The following KIAA1614 variants were observed in gnomAD, a reference collection of about 807,000 sequenced individuals.
KIAA1614 encodes the protein uncharacterized protein KIAA1614.
KIAA1614 carries 76 observed loss-of-function variants against 88.7 expected under a neutral mutation model. The observed-to-expected ratio is 0.86, with a 90% confidence interval of 0.71 to 1.04. The LOEUF is 1.04. Among genes scored for constraint, KIAA1614 ranks in the 50% least tolerant of loss-of-function variants. KIAA1614 has a pLI of 0.00. For missense variants in KIAA1614, 1,553 were observed against 1,582.5 expected, an observed-to-expected ratio of 0.98 and a Z score of 0.32; for synonymous variants, 714 against 675.5, an observed-to-expected ratio of 1.06 and a Z score of -0.88.
Position 180,935,026 on chromosome 1 carries a change from T to G in KIAA1614, c.1206-89T>G, listed in dbSNP as rs976309806. ...TGCCACAGAGCACGGTGGGAGACTG[T>G]AGCCCAGGGTGGAGAGGGTAGGGCC... On this transcript the variant is annotated intron_variant, in intron 4 of 8. Coordinates refer to ENST00000367588, the MANE Select transcript of KIAA1614 (RefSeq NM_020950.2). This position sits in a 1 kb window ranked among gnomAD's most constrained non-coding sequence, Gnocchi z 6.1. The G allele has an allele frequency of 2.1e-6, 2 of 957,374 alleles. No individual in the cohort carries two copies. The allele number at this position is 957,374 out of a possible 1,614,324, so 59.3% of individuals were successfully genotyped here. A position where few individuals can be genotyped will look rare whatever the true frequency, so the allele number is the denominator to read the frequency against.
At position 180,917,534 on chromosome 1, in the gene KIAA1614, C is replaced by T. The variant is rs745398889; in HGVS notation, c.998-317C>T. Among the ~76,000 whole-genome samples, 7 of 152,122 alleles carry T rather than the reference C, an allele frequency of 4.6e-5. No homozygotes were observed. The East Asian group carries it at 9.6e-4, about 21-fold the overall frequency. ...TTCTAGCAGCTGGGCTGAGCTCAGA[C>T]GGTAGCACCAATGGGATGTACAAGT... On this transcript the variant is annotated intron_variant, in intron 2 of 8. Transcript: ENST00000367588.
At chr1:180,922,787 T>A (rs1475297432) in intron 3 of KIAA1614, among the ~76,000 whole-genome samples, 1 of 152,210 alleles carries the variant, frequency 6.6e-6, no homozygotes, top group Non-Finnish European at 1.5e-5. Context: ...CCCAGCTGGC[T>A]GCCCTGTGAT....
At chr1:180,942,316 G>A (rs1230707934) in intron 7 of KIAA1614, among the ~76,000 whole-genome samples, 1 of 152,196 alleles carries the variant, frequency 6.6e-6, no homozygotes, top group East Asian at 1.9e-4. Context: ...AGCGCCCCAC[G>A]CTCTGCAACC....
chr1:180,941,181 C>A lies in KIAA1614; in HGVS notation c.3055C>A (p.Pro1019Thr). 1 of 1,613,862 alleles carries A rather than the reference C, an allele frequency of 6.2e-7. No homozygotes were observed. Among genetic ancestry groups the A allele is most frequent in the Non-Finnish European group, 8.5e-7 (1 of 1,179,972 alleles). ...CTCAGCCCTGGGCCAGAGTTCCCGG[C>A]CCAAGCTGGGCAAGTCCCGCAGCTA... ...LFSALGQSSRPKLGKSRSYSV... is the reference protein window; with the variant it reads ...LFSALGQSSRTKLGKSRSYSV... Residue 1019 changes from proline (P) to threonine (T), a missense_variant, in exon 7 of 9, where the codon CCC (proline) becomes ACC (threonine). Pro to Thr is a conservative substitution (Grantham distance 38, BLOSUM62 -1). Coordinates refer to ENST00000367588, the MANE Select transcript of KIAA1614 (RefSeq NM_020950.2).
At position 180,935,888 on chromosome 1, in the gene KIAA1614, C is replaced by A. The variant is rs1293718898; in HGVS notation, c.1979C>A (p.Ser660Tyr). 6.2e-7 allele frequency: 1 copy of A among 1,613,900 alleles called. No homozygotes were observed. The highest frequency in any genetic ancestry group is 1.7e-5 in the Admixed American group (1 of 60,030). Residue 660 changes from serine (S) to tyrosine (Y), a missense_variant, in exon 5 of 9, where the codon TCC becomes TAC. Ser to Tyr is a moderately radical substitution (Grantham distance 144). Coordinates refer to ENST00000367588, the MANE Select transcript of KIAA1614 (RefSeq NM_020950.2). The surrounding 1 kb of genome is among the most constrained non-coding windows in gnomAD (Gnocchi z 6.1). The stretch of plus-strand genomic sequence containing the variant: ...TCCAGGCCTCGAGGCCACAGGTGGT[C>A]CAAGAAGGCTGAGGCGGAGCTCCCT... The part of the protein sequence containing the change: ...RGSRPRGHRW[S>Y]KKAEAELPWG...
intron 3 of KIAA1614, among the ~76,000 whole-genome samples, chr1:180,926,233 C>T (rs1209872612): frequency 1.3e-5 from 2 of 152,106 alleles, no homozygotes; most frequent in African/African-American, 4.8e-5. Flanking sequence ...CAGCACCCAC[C>T]CCATTTTGCC....
In KIAA1614 at chr1:180,941,961, C is replaced by T. The variant is rs560691444; in HGVS notation, c.3159+676C>T. 2.6e-5 allele frequency among the ~76,000 whole-genome samples: 4 copies of T among 152,314 alleles called. No homozygotes were observed. The South Asian group carries it at 8.3e-4, about 32-fold the overall frequency. The stretch of plus-strand genomic sequence containing the variant: ...TCAGGGCTCTTTCTCCCACCTTCCC[C>T]ACCTGCAAATGCCCACTCATCCATC... On this transcript the variant is annotated intron_variant, in intron 7 of 8. Transcript: ENST00000367588.
chr1:180,943,550 C>CTTTTTTTTTTTTTTTT lies in KIAA1614; in HGVS notation c.3160-838_3160-823dup, dbSNP rs60128001. The stretch of plus-strand genomic sequence containing the variant: ...ATTGTAGGATTGAATGGTAGTAGAT[C>CTTTTTTTTTTTTTTTT]TTTTTTTTTTTTTTTTGAGACAGGG... On this transcript the variant is annotated intron_variant, in intron 7 of 8. Coordinates refer to ENST00000367588, the MANE Select transcript of KIAA1614 (RefSeq NM_020950.2). Among the ~76,000 whole-genome samples the CTTTTTTTTTTTTTTTT allele has an allele frequency of 3.6e-4, 35 of 98,214 alleles. 2 individuals are homozygous for CTTTTTTTTTTTTTTTT. The highest frequency in any genetic ancestry group is 5.5e-4 in the African/African-American group (13 of 23,844). The allele number at this position is 98,214 out of a possible 152,430, so 64.4% of individuals were successfully genotyped here. A position where few individuals can be genotyped will look rare whatever the true frequency, so the allele number is the denominator to read the frequency against.
In KIAA1614 at chr1:180,935,530, A is replaced by AG. The variant is rs775000044; in HGVS notation, c.1622dup (p.Ser541ArgfsTer79). ...CGAGAGGAGGTGCCAGGCCTGCGGC[A>AG]GCTGCATCGACGACCCGCGCCCCGC... On this transcript the variant is annotated frameshift_variant, in exon 5 of 9. Transcript: ENST00000367588. LOFTEE classifies it high-confidence loss of function. The surrounding 1 kb of genome is among the most constrained non-coding windows in gnomAD (Gnocchi z 6.1). The AG allele has an allele frequency of 1.3e-6, 2 of 1,565,310 alleles. No homozygotes were observed. Among genetic ancestry groups the AG allele is most frequent in the Non-Finnish European group, 1.7e-6 (2 of 1,158,444 alleles).
At position 180,918,850 on chromosome 1, in the gene KIAA1614, G is replaced by A. The variant is rs148755621; in HGVS notation, c.1061+936G>A. 2.0e-4 allele frequency among the ~76,000 whole-genome samples: 31 copies of A among 152,318 alleles called. No homozygotes were observed. In the East Asian group the frequency reaches 5.4e-3, roughly 27 times the overall value. ...ATAACAAAAAGCCTATAGAGGCTGG[G>A]TGGCTTACTAACAGAAATTTATTGC... is the stretch of plus-strand genomic sequence containing the variant. On this transcript the variant is annotated intron_variant, in intron 3 of 8. Transcript: ENST00000367588.
At chr1:180,939,123 G>T (rs1654397473) in intron 6 of KIAA1614, among the ~76,000 whole-genome samples, 1 of 152,310 alleles carries the variant, frequency 6.6e-6, no homozygotes, top group Middle Eastern at 3.4e-3. Context: ...GGGGAGAAGG[G>T]GGGAGTGGGG....
rs757341832 is a variant in KIAA1614, at chr1:180,935,796, G to T, written c.1887G>T (p.Gly629=). ...GCAGGACCGACAGTGAGGAGGCGGG[G>T]ACCTCTCAGGCTGGCTGGGCGTGTG... ...DNCRTDSEEA[G]TSQAGWACGR... Residue 629 remains glycine, a synonymous_variant, in exon 5 of 9, where the codon GGG becomes GGT. Coordinates refer to ENST00000367588, the MANE Select transcript of KIAA1614 (RefSeq NM_020950.2). This position sits in a 1 kb window ranked among gnomAD's most constrained non-coding sequence, Gnocchi z 6.1. 3.1e-6 allele frequency: 5 copies of T among 1,613,868 alleles called. No individual in the cohort carries two copies. The South Asian group carries it at 4.4e-5, about 14-fold the overall frequency.
rs1209895505 is a variant in KIAA1614, at chr1:180,913,004, G to T, written c.-240G>T. On this transcript the variant is annotated 5_prime_UTR_variant, in exon 1 of 9. Coordinates refer to ENST00000367588, the MANE Select transcript of KIAA1614 (RefSeq NM_020950.2). Reference sequence around the variant, plus strand: ...CTTCCCGTCCTCTCGCCGGGAGGGAGTGCGGCCCGTGGGGCGCTGCGCCGG... The same window carrying T: ...CTTCCCGTCCTCTCGCCGGGAGGGATTGCGGCCCGTGGGGCGCTGCGCCGG... 2 of 272,116 alleles carry T rather than the reference G, an allele frequency of 7.3e-6. No individual in the cohort carries two copies. Among genetic ancestry groups the T allele is most frequent in the South Asian group, 1.7e-4 (1 of 5,922 alleles). The allele number at this position is 272,116 out of a possible 1,614,324, so 16.9% of individuals were successfully genotyped here. A position where few individuals can be genotyped will look rare whatever the true frequency, so the allele number is the denominator to read the frequency against.
intron 3 of KIAA1614, among the ~76,000 whole-genome samples, chr1:180,920,429 A>T (rs995547240): frequency 1.3e-5 from 2 of 152,192 alleles, no homozygotes; most frequent in African/African-American, 4.8e-5. Context: ...AGACCATTTG[A>T]TGGCCACCCC....
intron 3 of KIAA1614, 105 bp downstream of exon 3, chr1:180,918,019 CA>C (rs1653858531): frequency 1.1e-6 from 1 of 914,428 alleles, no homozygotes; most frequent in Non-Finnish European, 1.7e-6. Flanking sequence ...AGAGGGCAGG[CA>C]GACTCCTGCA....
Position 180,950,614 on chromosome 1 carries a change from A to G in KIAA1614, c.*5026A>G, listed in dbSNP as rs1462208942. 3 of 759,244 alleles carry G rather than the reference A, an allele frequency of 4.0e-6. No homozygotes were observed. Among genetic ancestry groups the G allele is most frequent in the Non-Finnish European group, 4.9e-6 (3 of 610,512 alleles). 47.0% of individuals were successfully genotyped at this position (759,244 alleles called of 1,614,324 possible). The stretch of plus-strand genomic sequence containing the variant: ...GGTGGTTGGCAGGAACGTGCTGCAC[A>G]GAGCTGCTCTGTGGCGGAAACAGAT... On this transcript the variant is annotated 3_prime_UTR_variant, in exon 9 of 9. Transcript: ENST00000367588.
intron 3 of KIAA1614, among the ~76,000 whole-genome samples, chr1:180,924,886 A>AAATAATAATACTAATAATAATAATAAT (rs1654034125): frequency 7.0e-6 from 1 of 142,640 alleles, no homozygotes; most frequent in Admixed American, 7.1e-5. Context: ...GCTAATGATA[A>AAATAATAATACTAATAATAATAATAAT]AATAATAATA....
chr1:180,925,668 C>A (rs1654051459), intron 3 of KIAA1614, among the ~76,000 whole-genome samples: 1 of 152,250 alleles, frequency 6.6e-6, no homozygotes, highest in African/African-American at 2.4e-5. Flanking sequence ...CACCAGGAAA[C>A]TGGCCGAGAC....
intron 6 of KIAA1614, among the ~76,000 whole-genome samples, chr1:180,939,425 C>T (rs938608557): frequency 3.9e-5 from 6 of 152,196 alleles, no homozygotes; most frequent in Admixed American, 2.0e-4. Context: ...GTCCCCTTCC[C>T]GGCAAACACA....
Sources: allele counts gnomAD v4.1 joint callset (sites outside exome capture counted in the v4.1 genomes callset), GRCh38; gene constraint gnomAD v4.1.1; non-coding constraint Gnocchi (gnomAD v3.1); transcripts MANE v1.5; gene names NCBI Gene and HGNC (gene_info 2026-07-23, HGNC 2026-07-21).